Variants in MED13 observed in about 807,000 individuals in gnomAD.
MED13 encodes the protein mediator of RNA polymerase II transcription subunit 13.
MED13 carries 23 observed loss-of-function variants against 225.2 expected under a neutral mutation model. That is an observed-to-expected ratio of 0.10 (90% confidence interval 0.07 to 0.14). The LOEUF (loss-of-function observed/expected upper bound fraction) is 0.14, where lower values mean the gene tolerates loss of function less well. MED13 is among the 10% of genes least tolerant of loss of function. MED13 has a pLI of 1.00. For synonymous variants in MED13, 942 were observed against 889.2 expected, an observed-to-expected ratio of 1.06 and a Z score of -1.06; for missense variants, 2,197 against 2,594.5, an observed-to-expected ratio of 0.85 and a Z score of 3.33.
intron 16 of MED13, among the ~76,000 whole-genome samples, chr17:61,981,014 G>T (rs754380848): frequency 2.3e-4 from 33 of 145,354 alleles, no homozygotes; most frequent in Non-Finnish European, 4.0e-4. Flanking sequence ...ATGAGCCACC[G>T]CACCCAGCCA....
rs890393330 is a variant in MED13 at position 62,049,078 on chromosome 17, C to CAAAAAAAAAAAAAAAA, written c.470+3443_470+3458dup. ...GGCACCACCATAACAGTAAATAAGA[C>CAAAAAAAAAAAAAAAA]AAAAAAAAAAAAAAAAAGGAGAAAT... is the stretch of plus-strand genomic sequence containing the variant. On this transcript the variant is annotated intron_variant, in intron 3 of 29. Coordinates refer to ENST00000397786, the MANE Select transcript of MED13 (RefSeq NM_005121.3). 1.5e-3 allele frequency among the ~76,000 whole-genome samples: 70 copies of CAAAAAAAAAAAAAAAA among 45,290 alleles called. 3 individuals are homozygous for CAAAAAAAAAAAAAAAA. The highest frequency in any genetic ancestry group is 0.016 in the Middle Eastern group (1 of 64). 29.7% of individuals were successfully genotyped at this position (45,290 alleles called of 152,430 possible). A position where few individuals can be genotyped will look rare whatever the true frequency, so the allele number is the denominator to read the frequency against.
chr17:62,044,675 T>C (rs1420949846), intron 3 of MED13, among the ~76,000 whole-genome samples: 1 of 152,240 alleles, frequency 6.6e-6, no homozygotes, highest in Non-Finnish European at 1.5e-5. Context: ...TATATTGCCT[T>C]TTTTGAGATG....
chr17:62,025,654 C>T (rs1006698889), intron 8 of MED13, among the ~76,000 whole-genome samples: 1 of 152,100 alleles, frequency 6.6e-6, no homozygotes, highest in African/African-American at 2.4e-5. Context: ...TGCGAGATAT[C>T]GTCTCAAACA....
At chr17:62,029,415 A>G in intron 8 of MED13, 126 bp downstream of exon 8, 1 of 635,848 alleles carries the variant, frequency 1.6e-6, no homozygotes, top group South Asian at 2.6e-5. Flanking sequence ...ATTTTTCCTG[A>G]ATTTTCTTTT....
At chr17:61,987,396 T>G (rs1451547051) in intron 11 of MED13, among the ~76,000 whole-genome samples, 1 of 151,900 alleles carries the variant, frequency 6.6e-6, no homozygotes, top group Admixed American at 6.6e-5. Context: ...ATAGCACCAT[T>G]GCACTCCAGC....
chr17:62,055,102 C>T (rs112544502), intron 2 of MED13, among the ~76,000 whole-genome samples: 32 of 152,208 alleles, frequency 2.1e-4, no homozygotes, highest in African/African-American at 2.6e-4. Flanking sequence ...GCCTGCTATC[C>T]GGGAGGCTGA....
At chr17:62,029,403 A>G in intron 8 of MED13, 138 bp downstream of exon 8, 2 of 621,990 alleles carry the variant, frequency 3.2e-6, no homozygotes, top group Non-Finnish European at 5.6e-6. Flanking sequence ...AATTCCTGAA[A>G]TATTTTTCCT....
intron 27 of MED13, among the ~76,000 whole-genome samples, chr17:61,952,259 T>C (rs2079903036): frequency 6.6e-6 from 1 of 152,164 alleles, no homozygotes; most frequent in Non-Finnish European, 1.5e-5. Context: ...ACTTCAAATA[T>C]AAGGACAAGA....
intron 3 of MED13, among the ~76,000 whole-genome samples, chr17:62,037,640 C>T (rs2080815663): frequency 6.9e-6 from 1 of 145,796 alleles, no homozygotes; most frequent in African/African-American, 2.6e-5. Context: ...GCACTCCAGC[C>T]TGGGTGACAG....
At chr17:61,954,341 C>A (rs1310228231) in intron 26 of MED13, among the ~76,000 whole-genome samples, 1 of 152,136 alleles carries the variant, frequency 6.6e-6, no homozygotes, top group Admixed American at 6.5e-5. Context: ...AAAGCTACGT[C>A]CCTACTTTGG....
intron 3 of MED13, among the ~76,000 whole-genome samples, chr17:62,049,886 C>A (rs1204326121): frequency 2.1e-5 from 3 of 140,872 alleles, no homozygotes; most frequent in Non-Finnish European, 1.5e-5. Context: ...GCTGAGATCG[C>A]GCCACTGCAC....
At chr17:62,026,447 A>C (rs143231353) in intron 8 of MED13, among the ~76,000 whole-genome samples, 3 of 150,406 alleles carry the variant, frequency 2.0e-5, no homozygotes, top group African/African-American at 7.3e-5. Context: ...ATAAGAAATT[A>C]CTCCACAAAA....
At chr17:62,047,729 CAAAT>C (rs908881185) in intron 3 of MED13, among the ~76,000 whole-genome samples, 7 of 151,482 alleles carry the variant, frequency 4.6e-5, no homozygotes, top group South Asian at 4.2e-4. Context: ...AATAAACAAA[CAAAT>C]AAATAAATAA....
chr17:61,984,788 T>C lies in MED13; in HGVS notation c.2554A>G (p.Met852Val). 6.2e-7 allele frequency: 1 copy of C among 1,613,746 alleles called. No homozygotes were observed. The highest frequency in any genetic ancestry group is 1.7e-4 in the Middle Eastern group (1 of 6,060). ...ATACTACCATATTCTTTATTATTCA[T>C]ATTCATTGGGGAAAATCCCATAATA... ...QHIMGFSPMN[M>V]NNKEYGSMDT... is the part of the protein sequence containing the mutation. The change falls in exon 14 of 30, where the codon ATG (methionine) becomes GTG (valine). Residue 852 changes from methionine to valine, a missense_variant. Physicochemically the swap from Met to Val is conservative, Grantham distance 21 (BLOSUM62 1). Transcript: ENST00000397786.
intron 27 of MED13, among the ~76,000 whole-genome samples, chr17:61,951,686 AAAG>A (rs2079898077): frequency 6.6e-6 from 1 of 152,170 alleles, no homozygotes; most frequent in African/African-American, 2.4e-5. Context: ...ACGTATGTGG[AAAG>A]AAGATAATTT....
At chr17:61,971,948 T>TAAATAAAATA (rs770358858) in intron 17 of MED13, among the ~76,000 whole-genome samples, 1 of 151,792 alleles carries the variant, frequency 6.6e-6, no homozygotes, top group African/African-American at 2.4e-5. Flanking sequence ...AAAAACCAAA[T>TAAATAAAATA]AAATAAAATA....
chr17:62,049,227 TATTA>T (rs1334883116), intron 3 of MED13, among the ~76,000 whole-genome samples: 4 of 151,978 alleles, frequency 2.6e-5, no homozygotes, highest in Non-Finnish European at 4.4e-5. Context: ...ACAACAGGGA[TATTA>T]ATTAACAAGA....
In MED13 at chr17:61,946,031, G is replaced by A. The variant is rs571155184; in HGVS notation, c.*437C>T. On this transcript the variant is annotated 3_prime_UTR_variant, in exon 30 of 30. Coordinates refer to ENST00000397786, the MANE Select transcript of MED13 (RefSeq NM_005121.3). The stretch of plus-strand genomic sequence containing the variant: ...ATTTAAAAACTTACAATAAATAAGA[G>A]AAGAGATGCAGGCATTTTTGAATAC... 2 of 152,830 alleles carry A rather than the reference G, an allele frequency of 1.3e-5. No individual in the cohort carries two copies. The highest frequency in any genetic ancestry group is 3.9e-4 in the East Asian group (2 of 5,194). 9.5% of individuals were successfully genotyped at this position (152,830 alleles called of 1,614,324 possible). A position where few individuals can be genotyped will look rare whatever the true frequency, so the allele number is the denominator to read the frequency against.
At chr17:61,999,931 G>T (rs1233901339) in intron 9 of MED13, among the ~76,000 whole-genome samples, 2 of 152,068 alleles carry the variant, frequency 1.3e-5, no homozygotes, top group East Asian at 1.9e-4. Flanking sequence ...TAGCCAAGCG[G>T]TATTGTCACA....
Sources: gnomAD v4.1 joint callset for allele counts (sites outside exome capture counted in the v4.1 genomes callset) on GRCh38, gnomAD v4.1.1 for gene constraint, MANE v1.5 for transcripts, NCBI Gene and HGNC (gene_info 2026-07-23, HGNC 2026-07-21) for gene names.